The following GCA variants were observed in gnomAD, a reference collection of about 807,000 sequenced individuals.
GCA encodes grancalcin, EF-hand calcium-binding protein.
GCA carries 30 observed loss-of-function variants against 32.6 expected under a neutral mutation model. That is an observed-to-expected ratio of 0.92 (90% CI 0.69 to 1.25). GCA has a LOEUF of 1.25. Among genes scored for constraint, GCA ranks in the 50% most tolerant of loss-of-function variants. GCA has a pLI of 0.00. For synonymous variants in GCA, 102 were observed against 84.6 expected, an observed-to-expected ratio of 1.21 and a Z score of -1.13; for missense variants, 291 against 266.8, an observed-to-expected ratio of 1.09 and a Z score of -0.63.
chr2:162,368,032 G>T (rs931934961), downstream of GCA, among the ~76,000 whole-genome samples: 2 of 151,930 alleles, frequency 1.3e-5, no homozygotes, highest in African/African-American at 2.4e-5. Flanking sequence ...AATTTTTAGT[G>T]TGTGTAAGGA....
intron 3 of GCA, among the ~76,000 whole-genome samples, chr2:162,353,725 G>T (rs942847250): frequency 6.6e-6 from 1 of 152,124 alleles, no homozygotes; most frequent in Non-Finnish European, 1.5e-5. Context: ...AGTATTCTGC[G>T]ATTTGATGGT....
At chr2:162,327,832 C>T (rs1683939542) in intron 1 of GCA, among the ~76,000 whole-genome samples, 1 of 152,192 alleles carries the variant, frequency 6.6e-6, no homozygotes, top group African/African-American at 2.4e-5. Context: ...AAACACTTAA[C>T]ATTATAAAGA....
chr2:162,361,191 C>G lies in GCA; in HGVS notation c.*948C>G. 1 of 984,928 alleles carries G rather than the reference C, an allele frequency of 1.0e-6. No individual in the cohort carries two copies. 61.0% of individuals were successfully genotyped at this position (984,928 alleles called of 1,614,324 possible). A position where few individuals can be genotyped will look rare whatever the true frequency, so the allele number is the denominator to read the frequency against. Reference sequence around the variant, plus strand: ...TTAGTGGTGGCTTTGCCATTAAAAACCCAGTAAGTATTTTGAGTGCATCTA... The same window carrying G: ...TTAGTGGTGGCTTTGCCATTAAAAAGCCAGTAAGTATTTTGAGTGCATCTA... On this transcript the variant is annotated 3_prime_UTR_variant, in exon 8 of 8. Coordinates refer to ENST00000437150, the MANE Select transcript of GCA (RefSeq NM_012198.5).
intron 3 of GCA, among the ~76,000 whole-genome samples, chr2:162,355,136 G>A (rs1236785267): frequency 6.6e-6 from 1 of 152,068 alleles, no homozygotes; most frequent in Non-Finnish European, 1.5e-5. Context: ...TATAGCCTTA[G>A]CTTTGTAAAC....
rs1684325981 is a variant in GCA, at chr2:162,338,016, C to T, written c.-30-9562C>T. ...GTTTTATTTTAAAAATATTTTGCAA[C>T]TGCTTTGATCTGTGTCTACATCCAC... On this transcript the variant is annotated intron_variant, in intron 1 of 4. Coordinates refer to the GCA transcript ENST00000429691. Among the ~76,000 whole-genome samples the T allele has an allele frequency of 2.0e-5, 3 of 152,150 alleles. No individual in the cohort carries two copies. The South Asian group carries it at 6.2e-4, about 31-fold the overall frequency.
chr2:162,359,328 G>T, intron 6 of GCA, 166 bp from the exon 7 acceptor site: 1 of 576,692 alleles, frequency 1.7e-6, no homozygotes, highest in Non-Finnish European at 3.0e-6. Context: ...TGATAAAAAC[G>T]TTATGTTATT....
At position 162,348,630 on chromosome 2, in the gene GCA, G is replaced by A. The variant is rs189656914; in HGVS notation, c.192+888G>A. Reference sequence around the variant, plus strand: ...GACTGACTTTATTATGACCAATAGGGACGTGTGAAACTGCCAGTTCAAGTA... The same window carrying A: ...GACTGACTTTATTATGACCAATAGGAACGTGTGAAACTGCCAGTTCAAGTA... On this transcript the variant is annotated intron_variant, in intron 2 of 7. Coordinates refer to ENST00000437150, the MANE Select transcript of GCA (RefSeq NM_012198.5). Among the ~76,000 whole-genome samples the A allele has an allele frequency of 2.0e-4, 30 of 152,238 alleles. No homozygotes were observed. The East Asian group carries it at 5.0e-3, about 25-fold the overall frequency.
chr2:162,347,722 T>C lies in GCA; in HGVS notation c.172T>C (p.Phe58Leu). ...AGCTGGTGACTCCGTGTATACTTAC[T>C]TCAGTGCTGTTGCTGGACAGGTGAG... ...SSAGDSVYTYFSAVAGQDGEV... is the reference protein window; with the variant it reads ...SSAGDSVYTYLSAVAGQDGEV... Residue 58 changes from phenylalanine (F) to leucine (L), a missense_variant, in exon 2 of 8, where the codon TTC becomes CTC. Coordinates refer to ENST00000437150, the MANE Select transcript of GCA (RefSeq NM_012198.5). 6.4e-7 allele frequency: 1 copy of C among 1,564,644 alleles called. No homozygotes were observed. Among genetic ancestry groups the C allele is most frequent in the South Asian group, 1.2e-5 (1 of 82,088 alleles).
chr2:162,354,028 C>G (rs1378907305), intron 3 of GCA, among the ~76,000 whole-genome samples: 2 of 151,994 alleles, frequency 1.3e-5, no homozygotes, highest in Non-Finnish European at 2.9e-5. Flanking sequence ...TGATATTGTC[C>G]CTTATCTCTC....
chr2:162,360,828 G>A lies in GCA; in HGVS notation c.*585G>A, dbSNP rs1343590385. The A allele has an allele frequency of 3.3e-6, 4 of 1,208,418 alleles. No homozygotes were observed. The highest frequency in any genetic ancestry group is 1.0e-6 in the Non-Finnish European group (1 of 952,948). The allele number at this position is 1,208,418 out of a possible 1,614,324, so 74.9% of individuals were successfully genotyped here. On this transcript the variant is annotated 3_prime_UTR_variant, in exon 8 of 8. Coordinates refer to ENST00000437150, the MANE Select transcript of GCA (RefSeq NM_012198.5). ...TCTGTAGTGAAATAAGACTACAGAA[G>A]GCATTGTTTTTTCCTTTTTTATTTT...
chr2:162,357,475 T>G (rs935084009), intron 5 of GCA, among the ~76,000 whole-genome samples: 5 of 151,848 alleles, frequency 3.3e-5, no homozygotes, highest in African/African-American at 4.8e-5. Context: ...TGCTTAAACT[T>G]AATGCAGTTT....
chr2:162,372,982 T>C (rs1422681067), downstream of GCA, among the ~76,000 whole-genome samples: 1 of 152,184 alleles, frequency 6.6e-6, no homozygotes, highest in African/African-American at 2.4e-5. Flanking sequence ...ACTAGTCTGA[T>C]GGCATTTGAA....
At chr2:162,359,333 G>A (rs1312254558) in intron 6 of GCA, 161 bp from the exon 7 acceptor site, 1 of 594,568 alleles carries the variant, frequency 1.7e-6, no homozygotes, top group Non-Finnish European at 3.0e-6. Flanking sequence ...AAAACGTTAT[G>A]TTATTTTTGG....
At chr2:162,358,496 C>CTGT (rs1685398832) in intron 5 of GCA, among the ~76,000 whole-genome samples, 1 of 151,256 alleles carries the variant, frequency 6.6e-6, no homozygotes, top group Admixed American at 6.6e-5. Flanking sequence ...AGCGAGAAAG[C>CTGT]TGTTATTATT....
Position 162,356,811 on chromosome 2 carries a change from T to A in GCA, c.360T>A (p.Ala120=), listed in dbSNP as rs1335067741. The A allele has an allele frequency of 6.2e-7, 1 of 1,608,880 alleles. No homozygotes were observed. The highest frequency in any genetic ancestry group is 1.1e-5 in the South Asian group (1 of 90,948). ...GFNAFKELWA[A]LNAWKENFMT... ...ATGCATTCAAAGAGCTATGGGCAGC[T>A]CTTAATGCCTGGAAGGAAAACTTCA... Residue 120 remains alanine, a synonymous_variant, in exon 5 of 8, where the codon GCT becomes GCA. Coordinates refer to ENST00000437150, the MANE Select transcript of GCA (RefSeq NM_012198.5).
intron 1 of GCA, among the ~76,000 whole-genome samples, chr2:162,329,504 A>G (rs1684000926): frequency 6.6e-6 from 1 of 151,996 alleles, no homozygotes; most frequent in African/African-American, 2.4e-5. Context: ...TAAAATCTTA[A>G]TTAGCTCATC....
upstream of GCA, among the ~76,000 whole-genome samples, chr2:162,339,598 A>G (rs1440545690): frequency 6.6e-6 from 1 of 152,200 alleles, no homozygotes; most frequent in Non-Finnish European, 1.5e-5. Context: ...TTAGGAGACA[A>G]TTCAGTTAGG....
At chr2:162,342,405 C>G (rs997188091), upstream of GCA, among the ~76,000 whole-genome samples, 2 of 152,170 alleles carry the variant, frequency 1.3e-5, no homozygotes, top group African/African-American at 4.8e-5. Flanking sequence ...AACTTTATTA[C>G]TCAAAGCACA....
downstream of GCA, among the ~76,000 whole-genome samples, chr2:162,374,775 A>C (rs1371815519): frequency 6.6e-6 from 1 of 152,088 alleles, no homozygotes; most frequent in Non-Finnish European, 1.5e-5. Context: ...ACAATAACAC[A>C]TTATTCTTGC....
Sources: gnomAD v4.1 joint callset for allele counts (sites outside exome capture counted in the v4.1 genomes callset) on GRCh38, gnomAD v4.1.1 for gene constraint, MANE v1.5 for transcripts, NCBI Gene and HGNC (gene_info 2026-07-23, HGNC 2026-07-21) for gene names.